Variants in TMEM91 observed in about 807,000 individuals in gnomAD.
TMEM91 encodes the protein transmembrane protein 91.
In TMEM91, 6 loss-of-function variants were observed where a neutral mutation model predicts 13.3. That is an observed-to-expected ratio of 0.45 (90% confidence interval 0.25 to 0.89). The LOEUF (loss-of-function observed/expected upper bound fraction) is 0.89. Among genes scored for constraint, TMEM91 ranks in the 40% least tolerant of loss-of-function variants. The pLI is 0.19. For missense variants in TMEM91, 193 were observed against 228.7 expected, an observed-to-expected ratio of 0.84 and a Z score of 1.01; for synonymous variants, 87 against 101.7, an observed-to-expected ratio of 0.86 and a Z score of 0.87.
chr19:41,377,836 C>T (rs2038759616), intron 1 of TMEM91, among the ~76,000 whole-genome samples: 1 of 151,226 alleles, frequency 6.6e-6, no homozygotes, highest in Admixed American at 6.6e-5. Context: ...CACAGTGAAA[C>T]CCTATCTTTA....
At chr19:41,376,370 G>A (rs1246180949), upstream of TMEM91, 1 of 152,216 alleles carries the variant, frequency 6.6e-6, no homozygotes, top group Non-Finnish European at 1.5e-5. Context: ...TTAGGGTTGT[G>A]CTGAGGAATA....
chr19:41,381,076 C>CAAAAAAAAAAAAA (rs1166323642), intron 2 of TMEM91, among the ~76,000 whole-genome samples: 1 of 52,782 alleles, frequency 1.9e-5, no homozygotes, highest in African/African-American at 6.8e-5. Flanking sequence ...GACTCTGTCT[C>CAAAAAAAAAAAAA]AAAAAAAAAA....
At chr19:41,367,541 G>A (rs566907725) in intron 1 of TMEM91, among the ~76,000 whole-genome samples, 55 of 152,316 alleles carry the variant, frequency 3.6e-4, no homozygotes, top group African/African-American at 1.2e-3. Context: ...TGAGGCAGGA[G>A]AATCACTTGA....
intron 1 of TMEM91, among the ~76,000 whole-genome samples, chr19:41,365,618 C>A (rs1044733934): frequency 1.3e-5 from 2 of 151,708 alleles, no homozygotes; most frequent in Non-Finnish European, 2.9e-5. Flanking sequence ...TTGGCCAGAC[C>A]GGTCTCAAAC....
At chr19:41,364,998 C>T (rs562035153) in intron 1 of TMEM91, among the ~76,000 whole-genome samples, 1 of 151,988 alleles carries the variant, frequency 6.6e-6, no homozygotes, top group Non-Finnish European at 1.5e-5. Flanking sequence ...ACCTCAGCCT[C>T]CCATGTAGCT....
At chr19:41,366,892 C>T (rs1008597943) in intron 1 of TMEM91, among the ~76,000 whole-genome samples, 2 of 152,122 alleles carry the variant, frequency 1.3e-5, no homozygotes, top group Non-Finnish European at 2.9e-5. Flanking sequence ...AATCCCAGCA[C>T]TTTGGGAGGC....
At chr19:41,379,977 C>G (rs2038840674) in intron 2 of TMEM91, among the ~76,000 whole-genome samples, 1 of 148,732 alleles carries the variant, frequency 6.7e-6, no homozygotes, top group Admixed American at 6.7e-5. Flanking sequence ...TCACTGCAAC[C>G]TCCGCCTCCT....
chr19:41,367,096 A>G (rs9797885), intron 1 of TMEM91, among the ~76,000 whole-genome samples: 106,839 of 151,936 alleles, frequency 0.7, 38,388 homozygotes, highest in African/African-American at 0.83. Context: ...AGCCGAGATC[A>G]CGCCACCGCA....
intron 2 of TMEM91, among the ~76,000 whole-genome samples, chr19:41,381,656 G>A (rs1332098098): frequency 6.6e-6 from 1 of 152,002 alleles, no homozygotes; most frequent in African/African-American, 2.4e-5. Context: ...GAGCCACTGA[G>A]CCTGGCCCAT....
At chr19:41,370,393 T>TTTTTTTTATTTA (rs1555758241) in intron 1 of TMEM91, among the ~76,000 whole-genome samples, 7 of 142,986 alleles carry the variant, frequency 4.9e-5, no homozygotes, top group South Asian at 2.2e-4. Flanking sequence ...TTTATTTTTA[T>TTTTTTTTATTTA]TTTATTTATT....
chr19:41,379,574 A>AGAGG (rs201365405), intron 2 of TMEM91, among the ~76,000 whole-genome samples: 1 of 148,926 alleles, frequency 6.7e-6, no homozygotes, highest in Admixed American at 6.8e-5. Context: ...AGAGAAAGAG[A>AGAGG]GAGGGAGGGA....
chr19:41,373,504 A>G (rs2038656408), upstream of TMEM91, among the ~76,000 whole-genome samples: 1 of 150,062 alleles, frequency 6.7e-6, no homozygotes. Flanking sequence ...CGTGAGGCAC[A>G]GTAGTGAAAA....
chr19:41,363,978 GGA>G, upstream of TMEM91: 1 of 242,524 alleles, frequency 4.1e-6, no homozygotes, highest in East Asian at 9.9e-5. Context: ...TTAACGGTTA[GGA>G]GAGGAGAAAG....
chr19:41,383,082 C>G, intron 3 of TMEM91, 161 bp downstream of exon 3: 1 of 1,047,272 alleles, frequency 9.5e-7, no homozygotes, highest in Non-Finnish European at 1.4e-6. Flanking sequence ...TTTTTTGAGT[C>G]TCACTTTGTC....
intron 2 of TMEM91, among the ~76,000 whole-genome samples, chr19:41,378,769 G>A (rs987468881): frequency 1.3e-5 from 2 of 152,126 alleles, no homozygotes; most frequent in Admixed American, 6.6e-5. Flanking sequence ...TCTTCAGAGT[G>A]CATGCACCTC....
At chr19:41,378,648 T>C (rs1044479760) in intron 2 of TMEM91, 129 bp downstream of exon 2, 8 of 884,276 alleles carry the variant, frequency 9.0e-6, no homozygotes, top group Admixed American at 2.9e-5. Context: ...CCCAGCTGTG[T>C]GTGGGCTTCT....
At chr19:41,368,024 A>G (rs1490255820) in intron 1 of TMEM91, among the ~76,000 whole-genome samples, 1 of 152,148 alleles carries the variant, frequency 6.6e-6, no homozygotes, top group Non-Finnish European at 1.5e-5. Flanking sequence ...ACTGCATGCT[A>G]CGTGACTCAG....
intron 1 of TMEM91, chr19:41,364,217 C>G (rs1162772293): frequency 6.5e-6 from 1 of 153,842 alleles, no homozygotes; most frequent in African/African-American, 2.4e-5. Flanking sequence ...TGCTAGCCGT[C>G]TGCGGGGGGC....
intron 2 of TMEM91, among the ~76,000 whole-genome samples, chr19:41,381,607 G>A (rs185182109): frequency 1.3e-5 from 2 of 152,036 alleles, no homozygotes; most frequent in South Asian, 2.1e-4. Flanking sequence ...CTCATGATCC[G>A]CCTGCCTTGG....
Sources: gnomAD v4.1 joint callset for allele counts (sites outside exome capture counted in the v4.1 genomes callset) on GRCh38, gnomAD v4.1.1 for gene constraint, MANE v1.5 for transcripts, NCBI Gene and HGNC (gene_info 2026-07-23, HGNC 2026-07-21) for gene names.